Variants in CNTN5 observed in about 807,000 individuals in gnomAD.
CNTN5 encodes the protein contactin 5, also known as contactin-5.
In CNTN5, 77 loss-of-function variants were observed where a neutral mutation model predicts 129.1. The observed-to-expected ratio is 0.60, with a 90% CI of 0.50 to 0.72. The LOEUF is 0.72. Among genes scored for constraint, CNTN5 ranks in the 30% least tolerant of loss-of-function variants. The probability of loss-of-function intolerance (pLI) is 0.00; values close to 1 mark genes in which losing one functional copy is unlikely to be tolerated. For synonymous variants in CNTN5, 509 were observed against 465.6 expected (o/e 1.09, Z -1.20); for missense variants, 1,478 against 1,328.8 (o/e 1.11, Z -1.75).
chr11:99,989,980 T>C (rs1226301585), intron 8 of CNTN5, among the ~76,000 whole-genome samples: 1 of 152,166 alleles, frequency 6.6e-6, no homozygotes, highest in Non-Finnish European at 1.5e-5. Context: ...TTAGCCAAGA[T>C]GGTCTCAGTC....
intron 3 of CNTN5, among the ~76,000 whole-genome samples, chr11:99,814,090 A>T (rs555384659): frequency 6.6e-6 from 1 of 152,310 alleles, no homozygotes; most frequent in East Asian, 1.9e-4. Flanking sequence ...CATACAAAAA[A>T]TTGATGCTGA....
chr11:99,229,794 G>T (rs2135725093), intron 1 of CNTN5, among the ~76,000 whole-genome samples: 1 of 152,104 alleles, frequency 6.6e-6, no homozygotes, highest in African/African-American at 2.4e-5. Flanking sequence ...TAAAGCAAAT[G>T]AACTTTCTGG....
chr11:99,586,235 C>T (rs1043602129), intron 3 of CNTN5, among the ~76,000 whole-genome samples: 1 of 152,100 alleles, frequency 6.6e-6, no homozygotes, highest in Non-Finnish European at 1.5e-5. Context: ...TTACCATCAT[C>T]CCACAAGCTC....
At chr11:100,059,769 A>C (rs556161606) in intron 9 of CNTN5, among the ~76,000 whole-genome samples, 3 of 152,294 alleles carry the variant, frequency 2.0e-5, no homozygotes, top group African/African-American at 7.2e-5. Flanking sequence ...TTATTGAAAA[A>C]CAATTTGGCA....
At chr11:99,934,446 C>T (rs192678024) in intron 7 of CNTN5, among the ~76,000 whole-genome samples, 2 of 152,192 alleles carry the variant, frequency 1.3e-5, no homozygotes, top group East Asian at 1.9e-4. Flanking sequence ...TCCACGTGCA[C>T]GTGATAAAAG....
intron 9 of CNTN5, among the ~76,000 whole-genome samples, chr11:100,017,311 C>A (rs891442444): frequency 2.0e-5 from 3 of 151,982 alleles, no homozygotes; most frequent in African/African-American, 7.2e-5. Flanking sequence ...TTACATTTAG[C>A]CACATTCTGT....
chr11:99,325,436 C>G lies in CNTN5; in HGVS notation c.-119C>G, dbSNP rs528895450. ...CTGCAAAAGGATTACTTTACAGATA[C>G]CAGTTCCTTTGTCAAGAGCATACTT... On this transcript the variant is annotated 5_prime_UTR_variant, in exon 2 of 25. An upstream open reading frame in the 5' UTR gains an earlier in-frame stop. Transcript: ENST00000524871. 2.0e-5 allele frequency: 3 copies of G among 152,154 alleles called. No individual in the cohort carries two copies. In the South Asian group the frequency reaches 6.2e-4, roughly 32 times the overall value. The allele number at this position is 152,154 out of a possible 1,614,324, so 9.4% of individuals were successfully genotyped here.
At chr11:99,687,910 T>C (rs1381564783) in intron 3 of CNTN5, among the ~76,000 whole-genome samples, 1 of 152,204 alleles carries the variant, frequency 6.6e-6, no homozygotes. Flanking sequence ...TCAATTCTCA[T>C]GCCTATATTT....
At chr11:99,910,599 C>A (rs1949633058) in intron 6 of CNTN5, among the ~76,000 whole-genome samples, 1 of 152,024 alleles carries the variant, frequency 6.6e-6, no homozygotes, top group African/African-American at 2.4e-5. Flanking sequence ...ACTTTAGAAT[C>A]AATCACATTG....
At chr11:99,622,253 A>G (rs1275295808) in intron 3 of CNTN5, among the ~76,000 whole-genome samples, 1 of 152,190 alleles carries the variant, frequency 6.6e-6, no homozygotes, top group Non-Finnish European at 1.5e-5. Flanking sequence ...TATTCCAACG[A>G]TTTAAAATAA....
intron 2 of CNTN5, among the ~76,000 whole-genome samples, chr11:99,362,176 C>T (rs189967749): frequency 4.1e-4 from 63 of 152,028 alleles, no homozygotes; most frequent in Non-Finnish European, 5.9e-4. Context: ...AATAGCCAAG[C>T]TTATGGGTAT....
chr11:99,499,672 A>G (rs1946356019), intron 2 of CNTN5, among the ~76,000 whole-genome samples: 1 of 152,202 alleles, frequency 6.6e-6, no homozygotes, highest in African/African-American at 2.4e-5. Context: ...ACAAAAATTT[A>G]TTTATTCTAA....
At chr11:99,044,721 T>C in intron 1 of CNTN5, among the ~76,000 whole-genome samples, 1 of 152,252 alleles carries the variant, frequency 6.6e-6, no homozygotes. Context: ...GGGGCGTGGC[T>C]AGAGAAAAGC....
At chr11:99,462,931 AAAAAC>A (rs1031777761) in intron 2 of CNTN5, among the ~76,000 whole-genome samples, 2 of 151,966 alleles carry the variant, frequency 1.3e-5, no homozygotes, top group African/African-American at 4.8e-5. Context: ...CTAAAAATAC[AAAAAC>A]AAAACAAAAC....
At chr11:99,672,215 TCACTC>T (rs1953075141) in intron 3 of CNTN5, among the ~76,000 whole-genome samples, 1 of 152,196 alleles carries the variant, frequency 6.6e-6, no homozygotes, top group Non-Finnish European at 1.5e-5. Context: ...GGTTTGCACT[TCACTC>T]AAACTTTTTT....
At chr11:100,066,567 G>A (rs751755345) in intron 10 of CNTN5, among the ~76,000 whole-genome samples, 25 of 152,118 alleles carry the variant, frequency 1.6e-4, no homozygotes, top group Middle Eastern at 3.4e-3. Flanking sequence ...ACATAAGTAC[G>A]GTGCATCTGG....
chr11:99,146,368 G>T (rs1401315484), intron 1 of CNTN5, among the ~76,000 whole-genome samples: 1 of 152,044 alleles, frequency 6.6e-6, no homozygotes, highest in African/African-American at 2.4e-5. Flanking sequence ...TTTGGCCTTT[G>T]TTCATATTTT....
intron 8 of CNTN5, among the ~76,000 whole-genome samples, chr11:99,964,963 A>T (rs1160916082): frequency 1.3e-5 from 2 of 152,196 alleles, no homozygotes; most frequent in Non-Finnish European, 2.9e-5. Flanking sequence ...TGTTTACAGT[A>T]TTCTCTGATG....
intron 13 of CNTN5, among the ~76,000 whole-genome samples, chr11:100,170,379 C>G (rs1465017301): frequency 6.6e-6 from 1 of 151,924 alleles, no homozygotes; most frequent in African/African-American, 2.4e-5. Context: ...ATAAGATAGT[C>G]AGGCTATTAT....
Sources: gnomAD v4.1 joint callset for allele counts (sites outside exome capture counted in the v4.1 genomes callset) on GRCh38, gnomAD v4.1.1 for gene constraint, MANE v1.5 for transcripts, NCBI Gene and HGNC (gene_info 2026-07-23, HGNC 2026-07-21) for gene names.